The following PARP6 variants were observed in gnomAD, a reference collection of about 807,000 sequenced individuals.
PARP6 encodes the protein protein mono-ADP-ribosyltransferase PARP6.
A neutral mutation model predicts 92.0 loss-of-function variants in PARP6; 27 were observed. The observed-to-expected ratio is 0.29, with a 90% CI of 0.22 to 0.40. The LOEUF (loss-of-function observed/expected upper bound fraction) is 0.40, where lower values mean the gene tolerates loss of function less well. Among genes scored for constraint, PARP6 ranks in the 10% least tolerant of loss-of-function variants. The pLI, the probability that PARP6 is intolerant of heterozygous loss-of-function variation, is 1.00. For synonymous variants in PARP6, 272 were observed against 281.2 expected (o/e 0.97, Z 0.33); for missense variants, 501 against 784.5 (o/e 0.64, Z 4.32).
intron 14 of PARP6, 61 bp from the exon 15 acceptor site, chr15:72,254,581 T>C: frequency 7.5e-7 from 1 of 1,342,266 alleles, no homozygotes. Context: ...AAGTAAGATG[T>C]GATGAAAAGG....
At chr15:72,253,679 CATAA>C (rs2084670107) in intron 15 of PARP6, 175 bp from the exon 16 acceptor site, 4 of 696,586 alleles carry the variant, frequency 5.7e-6, no homozygotes, top group Non-Finnish European at 1.0e-5. Context: ...TGGGAAGACT[CATAA>C]ATAAATATGA....
chr15:72,245,599 T>G (rs745910786), intron 20 of PARP6: 2 of 152,244 alleles, frequency 1.3e-5, no homozygotes, highest in Non-Finnish European at 2.9e-5. Flanking sequence ...TTAACTTTTC[T>G]GTATATCAGC....
chr15:72,265,606 C>A, intron 5 of PARP6, 133 bp from the exon 6 acceptor site: 1 of 736,560 alleles, frequency 1.4e-6, no homozygotes, highest in Non-Finnish European at 2.4e-6. Flanking sequence ...TACCTAGGGT[C>A]TTAGCTATAG....
intron 20 of PARP6, among the ~76,000 whole-genome samples, chr15:72,247,379 C>T (rs189613873): frequency 1.3e-5 from 2 of 152,036 alleles, no homozygotes. Flanking sequence ...TGCCATGTTG[C>T]CCAGGCTGGT....
In PARP6 at chr15:72,272,532, C is replaced by A. The variant is rs1204617024; in HGVS notation, c.-599G>T. On this transcript the variant is annotated 5_prime_UTR_variant, in exon 1 of 24. Transcript: ENST00000569795. ...ACCCCGGGCCGCGCGCGGCCGCAGC[C>A]GACGGGACGAGCGGCCCGGGACGCC... 1 of 150,882 alleles carries A rather than the reference C, an allele frequency of 6.6e-6. No individual in the cohort carries two copies. The highest frequency in any genetic ancestry group is 2.4e-5 in the African/African-American group (1 of 41,276). 9.3% of individuals were successfully genotyped at this position (150,882 alleles called of 1,614,324 possible). A position where few individuals can be genotyped will look rare whatever the true frequency, so the allele number is the denominator to read the frequency against.
intron 8 of PARP6, among the ~76,000 whole-genome samples, chr15:72,261,913 T>C (rs2085940373): frequency 6.6e-6 from 1 of 152,170 alleles, no homozygotes; most frequent in South Asian, 2.1e-4. Context: ...AGAGGGCACC[T>C]AGCCTAATGG....
chr15:72,265,500 G>A (rs760710976), intron 5 of PARP6, 27 bp from the exon 6 acceptor site: 2 of 1,557,954 alleles, frequency 1.3e-6, no homozygotes, highest in African/African-American at 1.4e-5. Context: ...GACAACAGGT[G>A]AGACTCATTA....
intron 20 of PARP6, chr15:72,245,813 G>T (rs991697383): frequency 6.6e-6 from 1 of 152,142 alleles, no homozygotes; most frequent in African/African-American, 2.4e-5. Flanking sequence ...GTAACTAAAG[G>T]TATTTAGGCA....
chr15:72,244,224 G>C (rs2083362275), intron 20 of PARP6: 1 of 152,194 alleles, frequency 6.6e-6, no homozygotes, highest in Non-Finnish European at 1.5e-5. Context: ...CTCCAGAGGA[G>C]GCACATAAAA....
rs561593801 is a variant in PARP6 at position 72,259,757 on chromosome 15, C to G, written c.757-96G>C. 5.9e-6 allele frequency: 6 copies of G among 1,018,818 alleles called. No individual in the cohort carries two copies. In the South Asian group the frequency reaches 8.7e-5, roughly 15 times the overall value. 63.1% of individuals were successfully genotyped at this position (1,018,818 alleles called of 1,614,324 possible). ...CCTATCACCTAGGACTCTCCTAAAG[C>G]AGCTAAACCCTAGCTCAGAATCCCG... On this transcript the variant is annotated intron_variant, in intron 10 of 23. Coordinates refer to ENST00000569795, the MANE Select transcript of PARP6 (RefSeq NM_001323532.2).
At position 72,265,980 on chromosome 15, in the gene PARP6, T is replaced by C. The variant is rs141861324; in HGVS notation, c.93A>G (p.Ala31=). The C allele has an allele frequency of 7.4e-6, 12 of 1,613,280 alleles. No individual in the cohort carries two copies. The Middle Eastern group carries it at 8.2e-4, about 111-fold the overall frequency. ...EFLYGVQGSC[A]ADLYRHPQLD... is the part of the protein sequence containing the mutation. ...GCTGTGGGTGTCGATACAGGTCAGC[T>C]GCACAGCTCCCCTGAGATAGCAGCA... The change falls in exon 5 of 24, where the codon GCA becomes GCG. Residue 31 remains alanine (A), a synonymous_variant. Coordinates refer to ENST00000569795, the MANE Select transcript of PARP6 (RefSeq NM_001323532.2).
chr15:72,264,795 A>G (rs1371248949), intron 7 of PARP6, among the ~76,000 whole-genome samples, 174 bp from the exon 8 acceptor site: 1 of 152,240 alleles, frequency 6.6e-6, no homozygotes. Flanking sequence ...CGAAGCTGTC[A>G]TATGAATCTG....
chr15:72,268,693 C>T lies in PARP6; in HGVS notation c.-194-1022G>A, dbSNP rs144254893. Among the ~76,000 whole-genome samples, 1,179 of 152,260 alleles carry T rather than the reference C, an allele frequency of 7.7e-3. 14 individuals are homozygous for T. The highest frequency in any genetic ancestry group is 0.027 in the Middle Eastern group (8 of 294). ...AGCCTGGACAGTAAGAGCAAAAACT[C>T]CATCTCAAAATAAAAAGTCCTCAAC... On this transcript the variant is annotated intron_variant, in intron 2 of 23. Coordinates refer to ENST00000569795, the MANE Select transcript of PARP6 (RefSeq NM_001323532.2).
rs1182432298 is a variant in PARP6 at position 72,256,479 on chromosome 15, C to G, written c.1111G>C (p.Ala371Pro). 6.4e-7 allele frequency: 1 copy of G among 1,572,716 alleles called. No homozygotes were observed. Among genetic ancestry groups the G allele is most frequent in the Non-Finnish European group, 8.6e-7 (1 of 1,163,864 alleles). Residue 371 changes from alanine to proline, a missense_variant, in exon 14 of 24, where the codon GCC becomes CCC. This residue lies in a region of PARP6 where 191 missense variants were observed against 399.1 expected (regional missense o/e 0.48). Transcript: ENST00000569795. ...AAGTAACATACCTTAGGGTTAAAGG[C>G]CAGAGTCTTGGGATCAGTGGGGTCC... ...VVDPTDPKTL[A>P]FNPKKKNYER...
Position 72,242,262 on chromosome 15 carries a change from GGGTACA to G in PARP6, c.1642-48_1642-43del. 6.7e-7 allele frequency: 1 copy of G among 1,500,924 alleles called. No homozygotes were observed. The highest frequency in any genetic ancestry group is 1.7e-4 in the Middle Eastern group (1 of 5,848). 93.0% of individuals were successfully genotyped at this position (1,500,924 alleles called of 1,614,324 possible). On this transcript the variant is annotated intron_variant, in intron 21 of 23. Transcript: ENST00000569795. This position sits in a 1 kb window ranked among gnomAD's most constrained non-coding sequence, Gnocchi z 4.3. ...CAAAGGAGACCAGAGCCAGGTAGAT[GGGTACA>G]GCTTTCCCTAGAGAGGCTGGTTAGC...
Position 72,242,222 on chromosome 15 carries a change from TG to T in PARP6, c.1642-3del. ...GAACCGTGACTGAATGGATCGGGTC[TG>T]GAAGAGAAGGAGGCAAAGGAGACCA... On this transcript the variant is annotated splice_polypyrimidine_tract_variant and splice_region_variant and intron_variant, in intron 21 of 23. Transcript: ENST00000569795. The surrounding 1 kb of genome is among the most constrained non-coding windows in gnomAD (Gnocchi z 4.3). The T allele has an allele frequency of 1.9e-6, 3 of 1,613,924 alleles. No homozygotes were observed. The highest frequency in any genetic ancestry group is 2.5e-6 in the Non-Finnish European group (3 of 1,179,810).
intron 6 of PARP6, 85 bp from the exon 7 acceptor site, chr15:72,265,256 A>G (rs942453083): frequency 1.7e-5 from 18 of 1,044,526 alleles, no homozygotes; most frequent in Admixed American, 3.7e-5. Context: ...ACACATGCAC[A>G]TGACAGTACA....
At chr15:72,248,519 T>C (rs2083916124) in intron 20 of PARP6, among the ~76,000 whole-genome samples, 1 of 152,176 alleles carries the variant, frequency 6.6e-6, no homozygotes, top group Non-Finnish European at 1.5e-5. Flanking sequence ...CTACAGGATA[T>C]CAAGTAATAA....
At position 72,265,977 on chromosome 15, in the gene PARP6, A is replaced by G. The variant is rs147769992; in HGVS notation, c.96T>C (p.Ala32=). ...CAAGCTGTGGGTGTCGATACAGGTC[A>G]GCTGCACAGCTCCCCTGAGATAGCA... ...FLYGVQGSCA[A]DLYRHPQLDA... The change falls in exon 5 of 24, where the codon GCT becomes GCC. Residue 32 remains alanine (A), a synonymous_variant. Transcript: ENST00000569795. 2.4e-3 allele frequency: 3,911 copies of G among 1,613,520 alleles called. 13 individuals carry two copies. Among genetic ancestry groups the G allele is most frequent in the Admixed American group, 3.2e-3 (193 of 60,022 alleles).
Sources: allele counts gnomAD v4.1 joint callset (sites outside exome capture counted in the v4.1 genomes callset), GRCh38; gene constraint gnomAD v4.1.1; regional missense constraint gnomAD v4.1.1; non-coding constraint Gnocchi (gnomAD v3.1); transcripts MANE v1.5; gene names NCBI Gene and HGNC (gene_info 2026-07-23, HGNC 2026-07-21).